The following ATF7IP variants were observed in gnomAD, a reference collection of about 807,000 sequenced individuals.
ATF7IP encodes activating transcription factor 7-interacting protein 1.
Under a neutral mutation model 106.4 loss-of-function variants are expected in ATF7IP, and 23 were observed. The observed-to-expected ratio is 0.22, with a 90% CI of 0.16 to 0.31. The LOEUF (loss-of-function observed/expected upper bound fraction) is 0.31, where lower values mean the gene tolerates loss of function less well. ATF7IP is among the 10% of genes least tolerant of loss of function. The probability of loss-of-function intolerance (pLI) is 1.00; values close to 1 mark genes in which losing one functional copy is unlikely to be tolerated. For synonymous variants in ATF7IP, 542 were observed against 539.0 expected, an observed-to-expected ratio of 1.01 and a Z score of -0.08; for missense variants, 1,334 against 1,524.3, an observed-to-expected ratio of 0.88 and a Z score of 2.08.
chr12:14,426,290 T>G (rs1434542096), intron 2 of ATF7IP, among the ~76,000 whole-genome samples: 2 of 152,196 alleles, frequency 1.3e-5, no homozygotes, highest in Non-Finnish European at 1.5e-5. Flanking sequence ...TATTCCTCTA[T>G]GAAACTTTCT....
chr12:14,483,920 G>T (rs1031211499), intron 13 of ATF7IP, among the ~76,000 whole-genome samples: 3 of 152,110 alleles, frequency 2.0e-5, no homozygotes, highest in Non-Finnish European at 4.4e-5. Flanking sequence ...GTGCTGTGTG[G>T]AATGCCATGA....
In ATF7IP at chr12:14,500,340, C is replaced by A. The variant is rs1191298353; in HGVS notation, c.*2267C>A. On this transcript the variant is annotated 3_prime_UTR_variant, in exon 15 of 15. Transcript: ENST00000261168. ...TATAGATTGCCAAAAAATTAATTCT[C>A]CAAACCACCTTTCACTCTCAGAAAA... 1.3e-5 allele frequency: 2 copies of A among 152,118 alleles called. No homozygotes were observed. Among genetic ancestry groups the A allele is most frequent in the Non-Finnish European group, 2.9e-5 (2 of 68,022 alleles). 9.4% of individuals were successfully genotyped at this position (152,118 alleles called of 1,614,324 possible). A position where few individuals can be genotyped will look rare whatever the true frequency, so the allele number is the denominator to read the frequency against.
At chr12:14,460,456 A>T in intron 8 of ATF7IP, 39 bp from the exon 9 acceptor site, 2 of 1,538,536 alleles carry the variant, frequency 1.3e-6, no homozygotes, top group Non-Finnish European at 8.8e-7. Context: ...ATAAATTAAT[A>T]TAACCATTTA....
At chr12:14,416,318 AATT>A (rs1268143117) in intron 1 of ATF7IP, among the ~76,000 whole-genome samples, 8 of 152,168 alleles carry the variant, frequency 5.3e-5, no homozygotes, top group Non-Finnish European at 7.4e-5. Flanking sequence ...CTCAAATTAA[AATT>A]ATTTTCAGTA....
chr12:14,433,451 G>A (rs1407355353), intron 2 of ATF7IP, among the ~76,000 whole-genome samples: 1 of 152,110 alleles, frequency 6.6e-6, no homozygotes, highest in Non-Finnish European at 1.5e-5. Flanking sequence ...GTTGCAGTGA[G>A]CCGAGATTGC....
intron 4 of ATF7IP, among the ~76,000 whole-genome samples, chr12:14,437,850 G>C (rs555003545): frequency 2.6e-5 from 4 of 151,984 alleles, no homozygotes; most frequent in Non-Finnish European, 5.9e-5. Context: ...TCAGGAGATC[G>C]AGACCATCCC....
At chr12:14,495,036 G>C (rs1474225313) in intron 13 of ATF7IP, among the ~76,000 whole-genome samples, 4 of 151,190 alleles carry the variant, frequency 2.6e-5, no homozygotes, top group African/African-American at 4.8e-5. Context: ...GGAGGCCAAT[G>C]TTCCAGGGCA....
chr12:14,423,763 GTA>G (rs1342411903), intron 1 of ATF7IP, 144 bp from the exon 2 acceptor site: 5 of 815,570 alleles, frequency 6.1e-6, no homozygotes, highest in Non-Finnish European at 9.2e-6. Flanking sequence ...ATGATAATTA[GTA>G]TACAACAAGC....
chr12:14,498,322 G>A lies in ATF7IP; in HGVS notation c.*249G>A, dbSNP rs1945072566. On this transcript the variant is annotated 3_prime_UTR_variant, in exon 15 of 15. Transcript: ENST00000261168. ...TGTACCTTGCTTTAGTTTTGAGGCT[G>A]GGGAATATGTGTGGGTGTTTATGTG... The A allele has an allele frequency of 2.4e-6, 1 of 419,930 alleles. No individual in the cohort carries two copies. Among genetic ancestry groups the A allele is most frequent in the Admixed American group, 4.0e-5 (1 of 25,030 alleles). 26.0% of individuals were successfully genotyped at this position (419,930 alleles called of 1,614,324 possible). A position where few individuals can be genotyped will look rare whatever the true frequency, so the allele number is the denominator to read the frequency against.
intron 1 of ATF7IP, among the ~76,000 whole-genome samples, chr12:14,418,390 A>G (rs1440496867): frequency 1.3e-5 from 2 of 152,170 alleles, no homozygotes; most frequent in South Asian, 4.1e-4. Context: ...TAAAATACCA[A>G]TGCTTTTTTC....
At chr12:14,494,171 C>T (rs1944919350) in intron 13 of ATF7IP, among the ~76,000 whole-genome samples, 2 of 150,082 alleles carry the variant, frequency 1.3e-5, no homozygotes, top group South Asian at 4.2e-4. Flanking sequence ...GCAGCCAACT[C>T]CAGAAACCCC....
At chr12:14,398,743 CT>C (rs1208370352) in intron 1 of ATF7IP, among the ~76,000 whole-genome samples, 3 of 151,476 alleles carry the variant, frequency 2.0e-5, no homozygotes, top group Admixed American at 1.3e-4. Context: ...GGACATATCT[CT>C]TTTTTTTGTT....
chr12:14,502,100 A>C lies in ATF7IP; in HGVS notation c.*4027A>C, dbSNP rs2136896029. ...GCCAATTCAGTATCCTCAACATCCT[A>C]AGATTTTGTTGTTTTATCACTGACC... On this transcript the variant is annotated 3_prime_UTR_variant, in exon 15 of 15. Coordinates refer to ENST00000261168, the MANE Select transcript of ATF7IP (RefSeq NM_018179.5). 1 of 152,222 alleles carries C rather than the reference A, an allele frequency of 6.6e-6. No homozygotes were observed. The highest frequency in any genetic ancestry group is 2.1e-4 in the South Asian group (1 of 4,824). 9.4% of individuals were successfully genotyped at this position (152,222 alleles called of 1,614,324 possible).
intron 14 of ATF7IP, among the ~76,000 whole-genome samples, chr12:14,497,383 G>A (rs962532035): frequency 2.6e-5 from 4 of 151,996 alleles, no homozygotes; most frequent in Admixed American, 6.6e-5. Flanking sequence ...ATGATGTTCC[G>A]TCAGCAGGGG....
At chr12:14,417,742 C>T (rs535877559) in intron 1 of ATF7IP, among the ~76,000 whole-genome samples, 6 of 152,194 alleles carry the variant, frequency 3.9e-5, no homozygotes, top group African/African-American at 1.2e-4. Context: ...ATGCGTGTTA[C>T]GTGGATTTAG....
At chr12:14,484,805 G>A (rs183119781) in intron 13 of ATF7IP, among the ~76,000 whole-genome samples, 40 of 152,248 alleles carry the variant, frequency 2.6e-4, no homozygotes, top group Admixed American at 1.6e-3. Context: ...GCCCAATCAC[G>A]TATATACTGC....
chr12:14,377,271 A>G (rs116056797), intron 1 of ATF7IP, among the ~76,000 whole-genome samples: 6,214 of 151,744 alleles, frequency 0.041, 212 homozygotes, highest in African/African-American at 0.095. Context: ...CTGTGGTTAT[A>G]GATGTGAGCC....
At chr12:14,386,342 A>G (rs1939238013) in intron 1 of ATF7IP, among the ~76,000 whole-genome samples, 1 of 152,186 alleles carries the variant, frequency 6.6e-6, no homozygotes, top group Admixed American at 6.5e-5. Context: ...GTAGTATTTC[A>G]GATAGCAGAA....
chr12:14,485,571 C>T (rs371463912), intron 13 of ATF7IP, among the ~76,000 whole-genome samples: 7 of 152,182 alleles, frequency 4.6e-5, no homozygotes, highest in South Asian at 4.2e-4. Flanking sequence ...GAGCAAAAAC[C>T]GATCAAGGTC....
Sources: gnomAD v4.1 joint callset for allele counts (sites outside exome capture counted in the v4.1 genomes callset) on GRCh38, gnomAD v4.1.1 for gene constraint, MANE v1.5 for transcripts, NCBI Gene and HGNC (gene_info 2026-07-23, HGNC 2026-07-21) for gene names.